Variants in PPM1H observed in about 807,000 individuals in gnomAD.
The protein encoded by PPM1H is protein phosphatase 1H.
Under a neutral mutation model 54.9 loss-of-function variants are expected in PPM1H, and 27 were observed. The ratio of observed to expected loss-of-function variants is 0.49; its 90% CI spans 0.36 to 0.68. The LOEUF is 0.68. PPM1H is among the 30% of genes least tolerant of loss of function. PPM1H has a pLI of 0.00. For synonymous variants in PPM1H, 305 were observed against 270.8 expected (o/e 1.13, Z -1.24); for missense variants, 596 against 667.8 (o/e 0.89, Z 1.19).
At chr12:62,772,902 C>T (rs771485613) in intron 4 of PPM1H, among the ~76,000 whole-genome samples, 2 of 152,160 alleles carry the variant, frequency 1.3e-5, no homozygotes, top group Non-Finnish European at 2.9e-5. Context: ...GTAATCCTAG[C>T]ACTTTGGGAG....
At chr12:62,721,615 G>T (rs538801667) in intron 5 of PPM1H, among the ~76,000 whole-genome samples, 1 of 152,268 alleles carries the variant, frequency 6.6e-6, no homozygotes, top group South Asian at 2.1e-4. Flanking sequence ...GTTCTCCTGG[G>T]AAGGAATGAA....
chr12:62,908,684 C>T (rs1871372800), intron 1 of PPM1H, among the ~76,000 whole-genome samples: 1 of 152,044 alleles, frequency 6.6e-6, no homozygotes, highest in South Asian at 2.1e-4. Context: ...CTCTTAAGTG[C>T]CAAGTTTATG....
chr12:62,808,990 T>C (rs2076820667), intron 2 of PPM1H, among the ~76,000 whole-genome samples: 1 of 152,192 alleles, frequency 6.6e-6, no homozygotes, highest in African/African-American at 2.4e-5. Context: ...GTTTGAAATG[T>C]GACCAAAATA....
At chr12:62,914,147 G>A (rs80090435) in intron 1 of PPM1H, among the ~76,000 whole-genome samples, 2,600 of 152,228 alleles carry the variant, frequency 0.017, 82 homozygotes, top group African/African-American at 0.059. Context: ...TCTCAAGAAT[G>A]GCTTGGTGCA....
intron 4 of PPM1H, chr12:62,755,971 T>C (rs1229457375): frequency 7.3e-6 from 8 of 1,096,598 alleles, no homozygotes; most frequent in Non-Finnish European, 1.1e-5. Context: ...TGAACTGCTG[T>C]CTGGAAAAAC....
At chr12:62,818,550 T>G (rs1442975873) in intron 2 of PPM1H, among the ~76,000 whole-genome samples, 3 of 150,708 alleles carry the variant, frequency 2.0e-5, no homozygotes, top group Admixed American at 6.6e-5. Context: ...CTTTTGGAAG[T>G]GCTAGAATTG....
intron 5 of PPM1H, among the ~76,000 whole-genome samples, chr12:62,732,006 C>T (rs2076323701): frequency 6.6e-6 from 1 of 152,200 alleles, no homozygotes; most frequent in South Asian, 2.1e-4. Context: ...TCCACCAAAA[C>T]ATTCTGTCCA....
chr12:62,691,810 CA>C lies in PPM1H; in HGVS notation c.1138-2005del, dbSNP rs34984420. 3.5e-3 allele frequency among the ~76,000 whole-genome samples: 446 copies of C among 127,766 alleles called. 3 individuals carry two copies. The highest frequency in any genetic ancestry group is 0.034 in the South Asian group (133 of 3,896). The allele number at this position is 127,766 out of a possible 152,430, so 83.8% of individuals were successfully genotyped here. A position where few individuals can be genotyped will look rare whatever the true frequency, so the allele number is the denominator to read the frequency against. On this transcript the variant is annotated intron_variant, in intron 7 of 9. Transcript: ENST00000228705. ...CGTACTCCAGCCTGATGCCATGTCT[CA>C]AAAAAAAAAAAAAAAAGTGATGCAA...
intron 9 of PPM1H, among the ~76,000 whole-genome samples, chr12:62,661,506 T>G (rs142772689): frequency 1.9e-3 from 286 of 152,312 alleles, no homozygotes; most frequent in African/African-American, 6.7e-3. Context: ...CTTCAAGAGA[T>G]TCTCGTGCCT....
chr12:62,900,585 G>T (rs1279607333), intron 1 of PPM1H, among the ~76,000 whole-genome samples: 1 of 148,950 alleles, frequency 6.7e-6, no homozygotes, highest in Non-Finnish European at 1.5e-5. Context: ...ATGGGAATTT[G>T]CTTACCAGTA....
intron 2 of PPM1H, among the ~76,000 whole-genome samples, chr12:62,817,133 A>AG (rs2076872055): frequency 3.5e-5 from 4 of 115,846 alleles, no homozygotes; most frequent in Admixed American, 8.0e-5. Context: ...AAAAAAAAAA[A>AG]AAAGAAAAAA....
intron 1 of PPM1H, among the ~76,000 whole-genome samples, chr12:62,887,270 G>A (rs1166130642): frequency 6.6e-6 from 1 of 152,192 alleles, no homozygotes; most frequent in African/African-American, 2.4e-5. Flanking sequence ...CAAAAGTGCA[G>A]CTTCCAAAAG....
intron 1 of PPM1H, among the ~76,000 whole-genome samples, chr12:62,876,265 G>T (rs2121024017): frequency 6.6e-6 from 1 of 152,302 alleles, no homozygotes; most frequent in Non-Finnish European, 1.5e-5. Flanking sequence ...CTATCAGAAA[G>T]ACAAAACAAA....
intron 1 of PPM1H, among the ~76,000 whole-genome samples, chr12:62,859,390 A>G (rs1869515546): frequency 6.6e-6 from 1 of 152,230 alleles, no homozygotes; most frequent in African/African-American, 2.4e-5. Flanking sequence ...AGATGCCCAA[A>G]TGTCTGTTTT....
rs185022871 is a variant in PPM1H at position 62,878,546 on chromosome 12, A to T, written c.246-46267T>A. On this transcript the variant is annotated intron_variant, in intron 1 of 9. Coordinates refer to ENST00000228705, the MANE Select transcript of PPM1H (RefSeq NM_020700.2). ...TGTTTTAAGGAATCCTACCAGTCCT[A>T]AAAAGGGTCCCATGGGAGGATGGTG... 2.0e-5 allele frequency among the ~76,000 whole-genome samples: 3 copies of T among 150,850 alleles called. No individual in the cohort carries two copies. In the East Asian group the frequency reaches 5.9e-4, roughly 30 times the overall value.
intron 1 of PPM1H, among the ~76,000 whole-genome samples, chr12:62,887,468 T>A (rs1870632332): frequency 6.6e-6 from 1 of 152,208 alleles, no homozygotes; most frequent in South Asian, 2.1e-4. Flanking sequence ...GAGCAGTTAT[T>A]AATGTACCAG....
chr12:62,791,260 G>A (rs1269189085), intron 3 of PPM1H, among the ~76,000 whole-genome samples: 1 of 152,072 alleles, frequency 6.6e-6, no homozygotes, highest in Non-Finnish European at 1.5e-5. Flanking sequence ...ACACAAGACT[G>A]GTAGAAGGCT....
chr12:62,777,541 T>A (rs553569609), intron 4 of PPM1H, among the ~76,000 whole-genome samples: 1 of 152,324 alleles, frequency 6.6e-6, no homozygotes, highest in African/African-American at 2.4e-5. Flanking sequence ...CGATGAACTG[T>A]AAAAGTTTAT....
chr12:62,920,912 A>AT (rs1871776736), intron 1 of PPM1H, among the ~76,000 whole-genome samples: 7 of 151,170 alleles, frequency 4.6e-5, no homozygotes, highest in African/African-American at 1.7e-4. Flanking sequence ...TTTTTATGTA[A>AT]TTAATTAATT....
Sources: gnomAD v4.1 joint callset for allele counts (sites outside exome capture counted in the v4.1 genomes callset) on GRCh38, gnomAD v4.1.1 for gene constraint, MANE v1.5 for transcripts, NCBI Gene and HGNC (gene_info 2026-07-23, HGNC 2026-07-21) for gene names.